Variants in MYO3B observed in about 807,000 individuals in gnomAD.
The protein encoded by MYO3B is myosin IIIB.
MYO3B carries 156 observed loss-of-function variants against 174.6 expected under a neutral mutation model. The ratio of observed to expected loss-of-function variants is 0.89; its 90% confidence interval spans 0.78 to 1.02. The LOEUF (loss-of-function observed/expected upper bound fraction) is 1.02, where lower values mean the gene tolerates loss of function less well. MYO3B is among the 50% of genes least tolerant of loss of function. MYO3B has a pLI of 0.00. For synonymous variants in MYO3B, 563 were observed against 569.1 expected (o/e 0.99, Z 0.15); for missense variants, 1,632 against 1,639.4 (o/e 1.00, Z 0.08).
intron 32 of MYO3B, among the ~76,000 whole-genome samples, chr2:170,642,573 G>C (rs1046194713): frequency 6.6e-6 from 1 of 152,138 alleles, no homozygotes; most frequent in African/African-American, 2.4e-5. Flanking sequence ...AGTTAGACTT[G>C]GTGAAGTGAA....
rs1699050707 is a variant in MYO3B at position 170,652,106 on chromosome 2, A to G, written c.3841-2A>G. 6 of 1,613,490 alleles carry G rather than the reference A, an allele frequency of 3.7e-6. No homozygotes were observed. Among genetic ancestry groups the G allele is most frequent in the Non-Finnish European group, 5.1e-6 (6 of 1,179,862 alleles). On this transcript the variant is annotated splice_acceptor_variant, in intron 33 of 34. Coordinates refer to ENST00000408978, the MANE Select transcript of MYO3B (RefSeq NM_138995.5). LOFTEE classifies it high-confidence loss of function. ...ACTGTGTGTTCTTGGCCCTCTCCAC[A>G]GGGAACTCTAGAATATCAAGGGAGC...
At chr2:170,449,754 G>A (rs185650710) in intron 23 of MYO3B, among the ~76,000 whole-genome samples, 107 of 151,760 alleles carry the variant, frequency 7.1e-4, no homozygotes, top group African/African-American at 2.4e-3. Flanking sequence ...TCCAGCCTGG[G>A]TGACAAGAGC....
At chr2:170,359,224 A>G (rs1447455967) in intron 8 of MYO3B, among the ~76,000 whole-genome samples, 2 of 152,328 alleles carry the variant, frequency 1.3e-5, no homozygotes, top group Non-Finnish European at 2.9e-5. Context: ...GTTCACAAAC[A>G]TTTAGCTACA....
chr2:170,254,281 A>G (rs2093283492), intron 7 of MYO3B, among the ~76,000 whole-genome samples: 1 of 152,226 alleles, frequency 6.6e-6, no homozygotes, highest in Non-Finnish European at 1.5e-5. Context: ...TAGAACCTGC[A>G]TGGCGCCCAG....
intron 22 of MYO3B, among the ~76,000 whole-genome samples, chr2:170,413,656 G>C (rs1001585511): frequency 6.6e-5 from 10 of 151,432 alleles, no homozygotes; most frequent in South Asian, 4.1e-4. Flanking sequence ...GATCCAGTTT[G>C]AGTAAATTTC....
At chr2:170,495,761 C>A (rs915157731) in intron 25 of MYO3B, among the ~76,000 whole-genome samples, 3 of 152,180 alleles carry the variant, frequency 2.0e-5, no homozygotes, top group South Asian at 4.1e-4. Context: ...TACTTAAAGC[C>A]GGTGGAACCC....
intron 30 of MYO3B, chr2:170,524,752 T>C: frequency 3.3e-6 from 1 of 302,370 alleles, no homozygotes; most frequent in East Asian, 1.2e-4. Flanking sequence ...CCCAAAGTGC[T>C]GGGATTATAG....
At chr2:170,430,245 C>T (rs1206398169) in intron 22 of MYO3B, among the ~76,000 whole-genome samples, 1 of 151,964 alleles carries the variant, frequency 6.6e-6, no homozygotes, top group African/African-American at 2.4e-5. Context: ...GTATGAATAA[C>T]ATGAGCATCA....
chr2:170,458,186 C>T (rs1179855180), intron 23 of MYO3B, among the ~76,000 whole-genome samples: 1 of 152,222 alleles, frequency 6.6e-6, no homozygotes, highest in Non-Finnish European at 1.5e-5. Flanking sequence ...GGTTTGTTTA[C>T]ACCAAATCAC....
At chr2:170,388,292 A>G (rs948236373) in intron 14 of MYO3B, among the ~76,000 whole-genome samples, 8 of 152,178 alleles carry the variant, frequency 5.3e-5, no homozygotes, top group African/African-American at 1.9e-4. Flanking sequence ...TTAAACAAGT[A>G]AACTTAAATG....
chr2:170,648,927 A>T (rs1397832285), intron 32 of MYO3B, among the ~76,000 whole-genome samples: 1 of 75,048 alleles, frequency 1.3e-5, no homozygotes, highest in Non-Finnish European at 2.4e-5. Flanking sequence ...AATATATATA[A>T]AATATGATAT....
At chr2:170,236,752 C>T (rs534758243) in intron 7 of MYO3B, among the ~76,000 whole-genome samples, 3 of 152,284 alleles carry the variant, frequency 2.0e-5, no homozygotes, top group South Asian at 2.1e-4. Context: ...GGCCAGCTCA[C>T]GGCTCTAGTT....
At chr2:170,334,407 T>G (rs2105535196) in intron 7 of MYO3B, 1 of 152,324 alleles carries the variant, frequency 6.6e-6, no homozygotes, top group African/African-American at 2.4e-5. Flanking sequence ...CTGGTAATTC[T>G]TGCTGCTTCC....
chr2:170,633,485 C>G (rs1301732992), intron 32 of MYO3B, among the ~76,000 whole-genome samples: 6 of 152,142 alleles, frequency 3.9e-5, no homozygotes, highest in Non-Finnish European at 8.8e-5. Flanking sequence ...ATAGTAAGAG[C>G]TATTTATGAT....
At chr2:170,521,415 CAGTG>C (rs1688660562) in intron 30 of MYO3B, among the ~76,000 whole-genome samples, 1 of 152,210 alleles carries the variant, frequency 6.6e-6, no homozygotes, top group Non-Finnish European at 1.5e-5. Flanking sequence ...TTGGGCAAGT[CAGTG>C]AACCAGTTTG....
chr2:170,474,529 G>A (rs1475409337), intron 25 of MYO3B, among the ~76,000 whole-genome samples: 1 of 151,586 alleles, frequency 6.6e-6, no homozygotes, highest in Non-Finnish European at 1.5e-5. Context: ...CTGAGGTCGG[G>A]AGTTGAAGAC....
chr2:170,588,877 A>T (rs919250878), intron 32 of MYO3B, among the ~76,000 whole-genome samples: 1 of 152,230 alleles, frequency 6.6e-6, no homozygotes, highest in African/African-American at 2.4e-5. Flanking sequence ...TATGAATGTC[A>T]TCTGGAAGAT....
intron 7 of MYO3B, among the ~76,000 whole-genome samples, chr2:170,304,029 T>C (rs1340023971): frequency 1.3e-5 from 2 of 152,176 alleles, no homozygotes; most frequent in African/African-American, 4.8e-5. Flanking sequence ...CCCTTATAGA[T>C]GGGCATTTTG....
chr2:170,308,665 C>T (rs924457814), intron 7 of MYO3B, among the ~76,000 whole-genome samples: 1 of 152,034 alleles, frequency 6.6e-6, no homozygotes, highest in Non-Finnish European at 1.5e-5. Flanking sequence ...CCCCAGGATC[C>T]TTTTCTTTCT....
Sources: gnomAD v4.1 joint callset for allele counts (sites outside exome capture counted in the v4.1 genomes callset) on GRCh38, gnomAD v4.1.1 for gene constraint, MANE v1.5 for transcripts, NCBI Gene and HGNC (gene_info 2026-07-23, HGNC 2026-07-21) for gene names.